The following IFT140 variants were observed in gnomAD, a reference collection of about 807,000 sequenced individuals.
IFT140 encodes intraflagellar transport 140, also known as intraflagellar transport protein 140 homolog.
A neutral mutation model predicts 164.6 loss-of-function variants in IFT140; 133 were observed. The observed-to-expected ratio is 0.81, with a 90% CI of 0.70 to 0.93. IFT140 has a LOEUF of 0.93. Among genes scored for constraint, IFT140 ranks in the 40% least tolerant of loss-of-function variants. The pLI, the probability that IFT140 is intolerant of heterozygous loss-of-function variation, is 0.00. For missense variants in IFT140, 2,045 were observed against 1,972.3 expected, an observed-to-expected ratio of 1.04 and a Z score of -0.70; for synonymous variants, 860 against 817.3, an observed-to-expected ratio of 1.05 and a Z score of -0.89.
intron 19 of IFT140, among the ~76,000 whole-genome samples, chr16:1,538,835 T>C (rs1162487572): frequency 1.3e-5 from 2 of 152,158 alleles, no homozygotes; most frequent in Non-Finnish European, 2.9e-5. Flanking sequence ...TGCTTGGGGC[T>C]GGCTGTGGAG....
intron 3 of IFT140, among the ~76,000 whole-genome samples, chr16:1,603,780 C>T (rs1408406618): frequency 6.6e-6 from 1 of 152,224 alleles, no homozygotes; most frequent in African/African-American, 2.4e-5. Flanking sequence ...CGTGCCCGGC[C>T]ATGTGCTGTG....
At chr16:1,537,004 C>CACCCCACTGAG (rs2031139867) in intron 19 of IFT140, among the ~76,000 whole-genome samples, 1 of 152,250 alleles carries the variant, frequency 6.6e-6, no homozygotes, top group African/African-American at 2.4e-5. Flanking sequence ...GGCAGCAGCT[C>CACCCCACTGAG]TAGCCTGGCC....
chr16:1,540,479 G>A lies in IFT140; in HGVS notation c.2400-13683C>T, dbSNP rs116941519. On this transcript the variant is annotated intron_variant, in intron 19 of 30. Transcript: ENST00000426508. ...GGCTGGCTTCCCACAGGCGTGCTCT[G>A]AGGAGGCAGCTTGAGGATCTCCCCA... is the stretch of plus-strand genomic sequence containing the variant. 5.5e-3 allele frequency among the ~76,000 whole-genome samples: 832 copies of A among 152,318 alleles called. 4 individuals carry two copies. Among genetic ancestry groups the A allele is most frequent in the Non-Finnish European group, 8.5e-3 (579 of 68,016 alleles).
In IFT140 at chr16:1,524,617, C is replaced by A; in HGVS notation, c.3076G>T (p.Val1026Phe). Residue 1026 changes from valine to phenylalanine, a missense_variant, in exon 24 of 31, where the codon GTC (valine) becomes TTC (phenylalanine). Physicochemically the swap from Val to Phe is conservative, Grantham distance 50. Transcript: ENST00000426508. ...GTGTAGAAGTGCACCGCCTGCCCGA[C>A]CTCCTCCTGGCTCTCGTACTGGCGG... ...LARQYESQEEVGQAVHFYTRA... is the reference protein window; with the variant it reads ...LARQYESQEEFGQAVHFYTRA... The A allele has an allele frequency of 1.2e-6, 2 of 1,604,292 alleles. No individual in the cohort carries two copies. The highest frequency in any genetic ancestry group is 4.5e-5 in the East Asian group (2 of 44,628).
rs61620234 is a variant in IFT140, at chr16:1,584,603, T to A, written c.1156-183A>T. 0.028 allele frequency among the ~76,000 whole-genome samples: 4,228 copies of A among 152,266 alleles called. 204 individuals carry two copies. The highest frequency in any genetic ancestry group is 0.097 in the African/African-American group (4,014 of 41,520). ...AGTCTTATAAAGGTAAAGAGTATGCTGTGTAGAAAGACTTCAAGATACTGA... is the reference window on the plus strand; with the variant it reads ...AGTCTTATAAAGGTAAAGAGTATGCAGTGTAGAAAGACTTCAAGATACTGA... On this transcript the variant is annotated intron_variant, in intron 10 of 30. Transcript: ENST00000426508.
rs540229484 is a variant in IFT140, at chr16:1,534,259, C to A, written c.2400-7463G>T. On this transcript the variant is annotated intron_variant, in intron 19 of 30. Transcript: ENST00000426508. ...GACTTGGCTTTCTCCGGATAAGCGG[C>A]GGCACCGGCGTCAGCGATGACCGTG... 20 of 1,607,976 alleles carry A rather than the reference C, an allele frequency of 1.2e-5. No homozygotes were observed. The East Asian group carries it at 4.5e-4, about 36-fold the overall frequency.
chr16:1,513,663 A>G (rs1596286447), intron 30 of IFT140, among the ~76,000 whole-genome samples: 1 of 140,516 alleles, frequency 7.1e-6, no homozygotes, highest in South Asian at 2.3e-4. Context: ...CCTGCTTCTC[A>G]CAACTTTCTT....
chr16:1,533,240 C>G lies in IFT140; in HGVS notation c.2400-6444G>C, dbSNP rs1178909065. On this transcript the variant is annotated intron_variant, in intron 19 of 30. Coordinates refer to ENST00000426508, the MANE Select transcript of IFT140 (RefSeq NM_014714.4). This position sits in a 1 kb window ranked among gnomAD's most constrained non-coding sequence, Gnocchi z 4.7. ...CCCAGCAATCCTGTGATATCTGCCCCCCTTTTGAGGGCAGCATTCCCGTGG... is the reference window on the plus strand; with the variant it reads ...CCCAGCAATCCTGTGATATCTGCCCGCCTTTTGAGGGCAGCATTCCCGTGG... The G allele has an allele frequency of 1.3e-5, 2 of 152,336 alleles. No individual in the cohort carries two copies. The highest frequency in any genetic ancestry group is 2.4e-5 in the African/African-American group (1 of 41,424). The allele number at this position is 152,336 out of a possible 1,614,324, so 9.4% of individuals were successfully genotyped here.
chr16:1,512,619 T>C (rs2040206260), intron 30 of IFT140, among the ~76,000 whole-genome samples: 1 of 152,172 alleles, frequency 6.6e-6, no homozygotes, highest in Admixed American at 6.5e-5. Flanking sequence ...CAATTTTGCT[T>C]TTATACGGAA....
rs548434269 is a variant in IFT140, at chr16:1,550,825, A to G, written c.2399+7110T>C. 5.9e-5 allele frequency among the ~76,000 whole-genome samples: 9 copies of G among 152,308 alleles called. No individual in the cohort carries two copies. In the South Asian group the frequency reaches 1.9e-3, roughly 32 times the overall value. On this transcript the variant is annotated intron_variant, in intron 19 of 30. Transcript: ENST00000426508. ...AAGAGGAATGCCAGTTCCCCAAGGA[A>G]AGTCAAGAGCGCCCTAGCCGTCTCT...
rs199584846 is a variant in IFT140 at position 1,554,977 on chromosome 16, C to G, written c.2399+2958G>C. The G allele has an allele frequency of 3.5e-5, 57 of 1,613,666 alleles. No homozygotes were observed. Among genetic ancestry groups the G allele is most frequent in the Non-Finnish European group, 4.6e-5 (54 of 1,179,996 alleles). On this transcript the variant is annotated intron_variant, in intron 19 of 30. Coordinates refer to ENST00000426508, the MANE Select transcript of IFT140 (RefSeq NM_014714.4). ...ATTGTCATCAGCCGCTCCCTGACAG[C>G]GCGCTTTCGCCGTGGGCTGGACAAT...
chr16:1,548,635 A>ATCTT (rs1378267311), intron 19 of IFT140, among the ~76,000 whole-genome samples: 1 of 152,172 alleles, frequency 6.6e-6, no homozygotes, highest in African/African-American at 2.4e-5. Flanking sequence ...GGGAATCTTA[A>ATCTT]TATAAAGATG....
chr16:1,519,109 G>A (rs372697426), intron 29 of IFT140, among the ~76,000 whole-genome samples: 91 of 152,340 alleles, frequency 6.0e-4, no homozygotes, highest in African/African-American at 2.1e-3. Flanking sequence ...CCTGCCCTGT[G>A]GCCTCAGCTC....
chr16:1,582,817 T>C (rs974318580), intron 12 of IFT140, among the ~76,000 whole-genome samples: 4 of 152,232 alleles, frequency 2.6e-5, no homozygotes, highest in Admixed American at 2.0e-4. Flanking sequence ...GCAGGACAAC[T>C]GCTTGAGCCC....
At chr16:1,572,284 A>G (rs982838735) in intron 13 of IFT140, among the ~76,000 whole-genome samples, 1 of 152,134 alleles carries the variant, frequency 6.6e-6, no homozygotes, top group Non-Finnish European at 1.5e-5. Context: ...CATCATTTAT[A>G]TTTTCAAAGC....
rs181400047 is a variant in IFT140, at chr16:1,564,682, G to A, written c.1902-520C>T. The stretch of plus-strand genomic sequence containing the variant: ...CTGTGGGGAAACACAATGATGTGCC[G>A]GCAGACGACACACAAGGTTTCAAGA... On this transcript the variant is annotated intron_variant, in intron 16 of 30. Coordinates refer to ENST00000426508, the MANE Select transcript of IFT140 (RefSeq NM_014714.4). The surrounding 1 kb of genome is among the most constrained non-coding windows in gnomAD (Gnocchi z 5.5). Among the ~76,000 whole-genome samples the A allele has an allele frequency of 1.1e-4, 17 of 152,294 alleles. No homozygotes were observed. Among genetic ancestry groups the A allele is most frequent in the Admixed American group, 1.0e-3 (16 of 15,296 alleles).
intron 19 of IFT140, among the ~76,000 whole-genome samples, chr16:1,555,990 C>T (rs889929075): frequency 1.3e-5 from 2 of 152,136 alleles, no homozygotes; most frequent in Non-Finnish European, 2.9e-5. Flanking sequence ...CCTGTAGTCC[C>T]AGCTGCTCGG....
At position 1,553,381 on chromosome 16, in the gene IFT140, G is replaced by A; in HGVS notation, c.2399+4554C>T. The stretch of plus-strand genomic sequence containing the variant: ...CGATGCTGGGGCCACACAGGGCAGG[G>A]CATGATTTGGTTTCCTGGGGAATGC... On this transcript the variant is annotated intron_variant, in intron 19 of 30. Coordinates refer to ENST00000426508, the MANE Select transcript of IFT140 (RefSeq NM_014714.4). The surrounding 1 kb of genome is among the most constrained non-coding windows in gnomAD (Gnocchi z 4.4). 2.0e-6 allele frequency: 2 copies of A among 985,352 alleles called. No homozygotes were observed. The highest frequency in any genetic ancestry group is 2.4e-6 in the Non-Finnish European group (2 of 829,928). 61.0% of individuals were successfully genotyped at this position (985,352 alleles called of 1,614,324 possible).
In IFT140 at chr16:1,584,293, T is replaced by C. The variant is rs1420416342; in HGVS notation, c.1283A>G (p.Asn428Ser). The change falls in exon 11 of 31, where the codon AAT (asparagine) becomes AGT (serine). Residue 428 changes from asparagine to serine, a missense_variant. Transcript: ENST00000426508. ...GACCCCCGTGGACAGGAAGCACACA[T>C]TCAGCAGACTCGGGGAGACCTGCAT... ...AAMQVSPSLL[N>S]VCFLSTGVAH... 6.2e-7 allele frequency: 1 copy of C among 1,613,922 alleles called. No homozygotes were observed. Among genetic ancestry groups the C allele is most frequent in the Non-Finnish European group, 8.5e-7 (1 of 1,180,016 alleles).
Sources: gnomAD v4.1 joint callset for allele counts (sites outside exome capture counted in the v4.1 genomes callset) on GRCh38, gnomAD v4.1.1 for gene constraint, Gnocchi (gnomAD v3.1) non-coding constraint, MANE v1.5 for transcripts, NCBI Gene and HGNC (gene_info 2026-07-23, HGNC 2026-07-21) for gene names.